Variants in SETD2 observed in about 807,000 individuals in gnomAD.
SETD2 encodes histone-lysine N-methyltransferase SETD2.
A neutral mutation model predicts 242.1 loss-of-function variants in SETD2; 31 were observed. The ratio of observed to expected loss-of-function variants is 0.13; its 90% confidence interval spans 0.10 to 0.17. The LOEUF (loss-of-function observed/expected upper bound fraction) is 0.17. SETD2 is among the 10% of genes least tolerant of loss of function. The pLI is 1.00. For missense variants in SETD2, 2,481 were observed against 3,046.3 expected (o/e 0.81, Z 4.37); for synonymous variants, 1,006 against 1,066.5 (o/e 0.94, Z 1.11).
rs2107575677 is a variant in SETD2, at chr3:47,057,071, G to C, written c.6713C>G (p.Ser2238Cys). Reference protein sequence around the residue: ...HVAAPVEVSSSQYVAQSDGVV... With the variant: ...HVAAPVEVSSCQYVAQSDGVV... The stretch of plus-strand genomic sequence containing the variant: ...ACCATCACTCTGGGCCACATACTGG[G>C]AACTGGAAACTTCCACAGGAGCTGC... The change falls in exon 15 of 21, where the codon TCC becomes TGC. Residue 2238 changes from serine to cysteine, a missense_variant. Ser to Cys is a moderately radical substitution (Grantham distance 112, BLOSUM62 -1). Coordinates refer to ENST00000409792, the MANE Select transcript of SETD2 (RefSeq NM_014159.7). The C allele has an allele frequency of 6.2e-7, 1 of 1,614,262 alleles. No individual in the cohort carries two copies. Among genetic ancestry groups the C allele is most frequent in the Non-Finnish European group, 8.5e-7 (1 of 1,180,054 alleles).
intron 1 of SETD2, among the ~76,000 whole-genome samples, chr3:47,153,405 T>C (rs1212609146): frequency 6.6e-6 from 1 of 152,164 alleles, no homozygotes; most frequent in African/African-American, 2.4e-5. Flanking sequence ...ACCTATCAAA[T>C]TTTGTCTTAG....
chr3:47,115,806 G>A (rs1177262992), intron 4 of SETD2, among the ~76,000 whole-genome samples: 1 of 152,018 alleles, frequency 6.6e-6, no homozygotes, highest in African/African-American at 2.4e-5. Flanking sequence ...CATCATGCCT[G>A]GCTAATTTTT....
chr3:47,098,888 G>A (rs904563973), intron 8 of SETD2, among the ~76,000 whole-genome samples: 4 of 152,066 alleles, frequency 2.6e-5, no homozygotes, highest in African/African-American at 9.7e-5. Flanking sequence ...AAAATAAATT[G>A]TTCAATAAGT....
At chr3:47,032,709 C>T (rs753305442) in intron 18 of SETD2, among the ~76,000 whole-genome samples, 1 of 151,886 alleles carries the variant, frequency 6.6e-6, no homozygotes, top group Non-Finnish European at 1.5e-5. Context: ...GTCAGGAGTT[C>T]GAGACCAGCC....
At chr3:47,156,125 A>C (rs947187893) in intron 1 of SETD2, among the ~76,000 whole-genome samples, 1 of 152,180 alleles carries the variant, frequency 6.6e-6, no homozygotes, top group Admixed American at 6.5e-5. Context: ...ATGGACAGAG[A>C]AGCTGGTCAA....
rs764377763 is a variant in SETD2 at position 47,057,183 on chromosome 3, C to T, written c.6601G>A (p.Ala2201Thr). 7.4e-6 allele frequency: 12 copies of T among 1,614,042 alleles called. No individual in the cohort carries two copies. Among genetic ancestry groups the T allele is most frequent in the African/African-American group, 6.7e-5 (5 of 74,938 alleles). The change falls in exon 15 of 21, where the codon GCT becomes ACT. Residue 2201 changes from alanine (A) to threonine (T), a missense_variant. This residue lies in a region of SETD2 where 235 missense variants were observed against 293.9 expected (regional missense o/e 0.80). Coordinates refer to ENST00000409792, the MANE Select transcript of SETD2 (RefSeq NM_014159.7). ...TPSMDPVCSP[A>T]PYDHAQPLVG... ...AAGGGCTGAGCATGATCATAAGGAG[C>T]AGGAGAACACACTGGGTCCATGCTG...
Position 47,033,922 on chromosome 3 carries a change from G to A in SETD2, c.7350+3744C>T, listed in dbSNP as rs1020159339. 3.0e-4 allele frequency among the ~76,000 whole-genome samples: 46 copies of A among 151,938 alleles called. 1 individual carries two copies. The highest frequency in any genetic ancestry group is 6.6e-4 in the Non-Finnish European group (45 of 67,986). ...CTGACCTCAGGTGATCCACCTGCCT[G>A]GGCCTCCCAAAGTGCTAGGATTACA... On this transcript the variant is annotated intron_variant, in intron 18 of 20. Coordinates refer to ENST00000409792, the MANE Select transcript of SETD2 (RefSeq NM_014159.7).
At chr3:47,105,127 G>C (rs1223234193) in intron 6 of SETD2, among the ~76,000 whole-genome samples, 1 of 151,892 alleles carries the variant, frequency 6.6e-6, no homozygotes, top group Non-Finnish European at 1.5e-5. Flanking sequence ...AAGCACTTTG[G>C]GGCCAGGCAC....
At chr3:47,080,124 G>A (rs1027323686) in intron 12 of SETD2, among the ~76,000 whole-genome samples, 2 of 152,098 alleles carry the variant, frequency 1.3e-5, no homozygotes, top group Non-Finnish European at 1.5e-5. Flanking sequence ...TCTCAGTTTA[G>A]GCAACTCTAT....
At chr3:47,145,438 T>C (rs1485500445) in intron 1 of SETD2, 5 of 350,364 alleles carry the variant, frequency 1.4e-5, no homozygotes, top group South Asian at 2.2e-5. Flanking sequence ...TTGCCCAGGC[T>C]GGAGCAAGTA....
At chr3:47,066,880 A>AT in intron 13 of SETD2, 190 bp downstream of exon 13, 1 of 504,078 alleles carries the variant, frequency 2.0e-6, no homozygotes, top group South Asian at 3.5e-5. Flanking sequence ...TGTAAGAGAC[A>AT]TTTCCTTTGG....
intron 18 of SETD2, among the ~76,000 whole-genome samples, chr3:47,036,646 T>C (rs897709197): frequency 1.3e-5 from 2 of 151,698 alleles, no homozygotes; most frequent in East Asian, 1.9e-4. Flanking sequence ...CTCACATCTA[T>C]AATCCCAGCA....
intron 1 of SETD2, among the ~76,000 whole-genome samples, chr3:47,140,867 AAAAAATT>A (rs2043711641): frequency 6.6e-6 from 1 of 152,128 alleles, no homozygotes; most frequent in Admixed American, 6.5e-5. Context: ...TGTCTCAAAT[AAAAAATT>A]AAAATTAAAA....
At chr3:47,095,602 G>A (rs2041975466) in intron 9 of SETD2, among the ~76,000 whole-genome samples, 1 of 152,090 alleles carries the variant, frequency 6.6e-6, no homozygotes, top group Non-Finnish European at 1.5e-5. Context: ...AACAGACTAG[G>A]TATGACCCAG....
rs1272549575 is a variant in SETD2, at chr3:47,120,971, A to G, written c.3665T>C (p.Phe1222Ser). ...VPNKSWQQTT[F>S]QNRPDSRLGK... ...CAGTCTACTATCTGGCCTGTTTTGGAAAGTGGTCTGTTGCCAAGACTTATT... is the reference window on the plus strand; with the variant it reads ...CAGTCTACTATCTGGCCTGTTTTGGGAAGTGGTCTGTTGCCAAGACTTATT... The change falls in exon 3 of 21, where the codon TTC becomes TCC. Residue 1222 changes from phenylalanine to serine, a missense_variant. Phe to Ser is a radical substitution (Grantham distance 155, BLOSUM62 -2). Around this residue, in one of 17 missense-constraint regions of SETD2, gnomAD observed 1,300 missense variants for 1,259.2 expected, o/e 1.03. Coordinates refer to ENST00000409792, the MANE Select transcript of SETD2 (RefSeq NM_014159.7). 6.8e-6 allele frequency: 11 copies of G among 1,614,236 alleles called. No individual in the cohort carries two copies. The highest frequency in any genetic ancestry group is 2.2e-5 in the South Asian group (2 of 91,088).
intron 12 of SETD2, among the ~76,000 whole-genome samples, chr3:47,079,126 C>G (rs892453784): frequency 2.6e-5 from 4 of 152,146 alleles, no homozygotes; most frequent in Non-Finnish European, 5.9e-5. Context: ...ATGTGTGTAA[C>G]ATGTAGAATA....
At chr3:47,087,723 C>A (rs1252568647) in intron 10 of SETD2, among the ~76,000 whole-genome samples, 1 of 152,102 alleles carries the variant, frequency 6.6e-6, no homozygotes, top group Non-Finnish European at 1.5e-5. Flanking sequence ...TCCCAGCATT[C>A]TGGGAGGCTG....
chr3:47,033,697 T>C (rs1164004054), intron 18 of SETD2, among the ~76,000 whole-genome samples: 2 of 143,780 alleles, frequency 1.4e-5, no homozygotes, highest in African/African-American at 5.1e-5. Flanking sequence ...GTCTCGCTCT[T>C]GTTGTCCAGG....
intron 14 of SETD2, among the ~76,000 whole-genome samples, chr3:47,060,886 T>C (rs1442682828): frequency 6.6e-6 from 1 of 151,762 alleles, no homozygotes; most frequent in Non-Finnish European, 1.5e-5. Flanking sequence ...CACATAAAAC[T>C]AAAAAAGACA....
Sources: gnomAD v4.1 joint callset for allele counts (sites outside exome capture counted in the v4.1 genomes callset) on GRCh38, gnomAD v4.1.1 for gene constraint, gnomAD v4.1.1 regional missense constraint, MANE v1.5 for transcripts, NCBI Gene and HGNC (gene_info 2026-07-23, HGNC 2026-07-21) for gene names.